ERC2: variants seen among roughly 807,000 people sequenced by gnomAD.
The protein encoded by ERC2 is ELKS/RAB6-interacting/CAST family member 2.
In ERC2, 42 loss-of-function variants were observed where a neutral mutation model predicts 114.8. The ratio of observed to expected loss-of-function variants is 0.37; its 90% CI spans 0.29 to 0.47. The LOEUF is 0.47. Ranked by LOEUF, ERC2 falls within the 20% of genes least tolerant of loss-of-function variation. The pLI, the probability that ERC2 is intolerant of heterozygous loss-of-function variation, is 0.99. For synonymous variants in ERC2, 454 were observed against 425.5 expected (o/e 1.07, Z -0.82); for missense variants, 939 against 1,150.7 (o/e 0.82, Z 2.66).
At chr3:55,781,289 G>C (rs1002357122) in intron 14 of ERC2, among the ~76,000 whole-genome samples, 3 of 152,090 alleles carry the variant, frequency 2.0e-5, no homozygotes, top group Admixed American at 2.0e-4. Context: ...GCAATACTTG[G>C]ACTGTTGGAA....
intron 2 of ERC2, among the ~76,000 whole-genome samples, chr3:56,423,226 A>G (rs1398758734): frequency 6.6e-6 from 1 of 152,278 alleles, no homozygotes; most frequent in Non-Finnish European, 1.5e-5. Context: ...ATGCATTTTG[A>G]TCATCAGTTC....
intron 17 of ERC2, among the ~76,000 whole-genome samples, chr3:55,622,104 A>G (rs1420635460): frequency 6.6e-6 from 1 of 152,212 alleles, no homozygotes; most frequent in South Asian, 2.1e-4. Flanking sequence ...GGCACTGTCA[A>G]ATTCCCCAGA....
chr3:55,835,300 A>T (rs2060821136), intron 14 of ERC2, among the ~76,000 whole-genome samples: 5 of 152,210 alleles, frequency 3.3e-5, no homozygotes, highest in Admixed American at 3.3e-4. Flanking sequence ...ACACAACCAA[A>T]AAAGGGAATT....
intron 7 of ERC2, among the ~76,000 whole-genome samples, chr3:56,023,826 T>C (rs1358615884): frequency 1.9e-5 from 1 of 52,742 alleles, no homozygotes; most frequent in Non-Finnish European, 5.3e-5. Context: ...CTAAAGAAAG[T>C]GGCTTGTGTA....
chr3:56,094,356 T>C (rs902491474), intron 6 of ERC2, among the ~76,000 whole-genome samples: 3 of 152,136 alleles, frequency 2.0e-5, no homozygotes, highest in Non-Finnish European at 4.4e-5. Flanking sequence ...GTGATGTAAG[T>C]ACTGCTTAAA....
chr3:56,092,871 T>C (rs1434691319), intron 6 of ERC2, among the ~76,000 whole-genome samples: 1 of 152,186 alleles, frequency 6.6e-6, no homozygotes, highest in Non-Finnish European at 1.5e-5. Context: ...AGCACGAAAT[T>C]GTGTTTTAAC....
At chr3:55,661,836 A>C (rs528045787) in intron 17 of ERC2, among the ~76,000 whole-genome samples, 4 of 152,200 alleles carry the variant, frequency 2.6e-5, no homozygotes, top group Admixed American at 1.3e-4. Context: ...TTATTTAAAA[A>C]AAAAAAGTGG....
chr3:56,275,681 T>C (rs2053943297), intron 3 of ERC2, among the ~76,000 whole-genome samples: 1 of 152,198 alleles, frequency 6.6e-6, no homozygotes, highest in South Asian at 2.1e-4. Context: ...GGGACACAGC[T>C]CTTAGCTAGC....
intron 17 of ERC2, among the ~76,000 whole-genome samples, chr3:55,579,764 C>T (rs1236477788): frequency 6.6e-6 from 1 of 152,242 alleles, no homozygotes; most frequent in Non-Finnish European, 1.5e-5. Flanking sequence ...AACACATCCT[C>T]AACCTTTCAC....
chr3:56,205,630 G>A (rs1423711811), intron 3 of ERC2, among the ~76,000 whole-genome samples: 1 of 152,112 alleles, frequency 6.6e-6, no homozygotes, highest in Non-Finnish European at 1.5e-5. Context: ...CCAGCTGTGG[G>A]CATGGCCACC....
At chr3:55,963,978 A>T (rs763941787) in intron 12 of ERC2, among the ~76,000 whole-genome samples, 1 of 152,222 alleles carries the variant, frequency 6.6e-6, no homozygotes, top group Admixed American at 6.5e-5. Flanking sequence ...CAGACATAAA[A>T]TAAAACGGAG....
At chr3:55,594,952 C>A (rs2058062821) in intron 17 of ERC2, among the ~76,000 whole-genome samples, 1 of 152,156 alleles carries the variant, frequency 6.6e-6, no homozygotes, top group Non-Finnish European at 1.5e-5. Flanking sequence ...TCATCCTCAT[C>A]TTCACCACCA....
At chr3:56,294,029 C>G (rs1256971183) in intron 3 of ERC2, among the ~76,000 whole-genome samples, 1 of 152,236 alleles carries the variant, frequency 6.6e-6, no homozygotes, top group Non-Finnish European at 1.5e-5. Context: ...CAAAATAAAA[C>G]AGCAGCTTTT....
chr3:55,919,520 A>T (rs753484227), intron 13 of ERC2, among the ~76,000 whole-genome samples: 9 of 152,330 alleles, frequency 5.9e-5, no homozygotes, highest in Admixed American at 2.6e-4. Context: ...ATACACATTT[A>T]TTCAATCAAC....
At chr3:56,405,451 G>C (rs2060679539) in intron 2 of ERC2, among the ~76,000 whole-genome samples, 2 of 151,982 alleles carry the variant, frequency 1.3e-5, no homozygotes, top group South Asian at 4.2e-4. Context: ...AAAAAGAAGG[G>C]ATGGACCCAG....
At chr3:55,951,281 T>C (rs1026681420) in intron 12 of ERC2, among the ~76,000 whole-genome samples, 7 of 152,226 alleles carry the variant, frequency 4.6e-5, no homozygotes, top group Admixed American at 4.6e-4. Flanking sequence ...TCATAATCCA[T>C]TACTTTGATT....
chr3:55,730,665 G>C (rs1370185310), intron 15 of ERC2, among the ~76,000 whole-genome samples: 2 of 152,234 alleles, frequency 1.3e-5, no homozygotes, highest in Non-Finnish European at 2.9e-5. Context: ...GAGCCCAGGA[G>C]TTTGAGACCT....
intron 13 of ERC2, among the ~76,000 whole-genome samples, chr3:55,909,020 C>T (rs2064638768): frequency 6.6e-6 from 1 of 152,158 alleles, no homozygotes; most frequent in Non-Finnish European, 1.5e-5. Context: ...CCGGACAGAA[C>T]AATGTCTAAG....
chr3:56,300,833 T>C (rs945677432), intron 2 of ERC2, among the ~76,000 whole-genome samples: 4 of 152,170 alleles, frequency 2.6e-5, no homozygotes, highest in Non-Finnish European at 5.9e-5. Flanking sequence ...AACCACGACA[T>C]CATTGGCCTC....
Sources: gnomAD v4.1 joint callset for allele counts (sites outside exome capture counted in the v4.1 genomes callset) on GRCh38, gnomAD v4.1.1 for gene constraint, MANE v1.5 for transcripts, NCBI Gene and HGNC (gene_info 2026-07-23, HGNC 2026-07-21) for gene names.